AHNAK: variants seen among roughly 807,000 people sequenced by gnomAD.
AHNAK encodes neuroblast differentiation-associated protein AHNAK.
AHNAK carries 23 observed loss-of-function variants against 37.8 expected under a neutral mutation model. That is an observed-to-expected ratio of 0.61 (90% CI 0.44 to 0.86). The LOEUF (loss-of-function observed/expected upper bound fraction) is 0.86. Ranked by LOEUF, AHNAK falls within the 40% of genes least tolerant of loss-of-function variation. The pLI is 0.00. For missense variants in AHNAK, 7,411 were observed against 7,319.4 expected, an observed-to-expected ratio of 1.01 and a Z score of -0.46; for synonymous variants, 2,481 against 2,636.3, an observed-to-expected ratio of 0.94 and a Z score of 1.80.
At chr11:62,511,400 G>A (rs1328070036), downstream of AHNAK, among the ~76,000 whole-genome samples, 5 of 152,056 alleles carry the variant, frequency 3.3e-5, no homozygotes, top group African/African-American at 1.2e-4. Context: ...TTACAGGCAT[G>A]TGCCACCACG....
At chr11:62,489,683 G>A (rs939022335) in intron 5 of AHNAK, among the ~76,000 whole-genome samples, 4 of 152,070 alleles carry the variant, frequency 2.6e-5, no homozygotes, top group Non-Finnish European at 4.4e-5. Context: ...GGGAGTGGAG[G>A]GGAGCCCAGA....
At chr11:62,467,960 G>A (rs775863073) in intron 5 of AHNAK, among the ~76,000 whole-genome samples, 72 of 152,242 alleles carry the variant, frequency 4.7e-4, no homozygotes, top group Admixed American at 9.8e-4. Context: ...ACACAGTGCC[G>A]GGGTCAAGGG....
intron 4 of AHNAK, among the ~76,000 whole-genome samples, chr11:62,508,764 C>T (rs1053849603): frequency 1.3e-5 from 2 of 152,216 alleles, no homozygotes; most frequent in Admixed American, 6.5e-5. Context: ...ATTCCCGGCC[C>T]GTGGCAGGCA....
rs151286188 is a variant in AHNAK, at chr11:62,520,430, G to C, written c.13987C>G (p.Pro4663Ala). ...TCTGGGCCCTCTCCTTTGAAGCCAG[G>C]CATGCTGAACTTGGGCATTTTCACT... ...PKVKMPKFSM[P>A]GFKGEGPDVD... Residue 4663 changes from proline to alanine, a missense_variant, in exon 5 of 5, where the codon CCT (proline) becomes GCT (alanine). Coordinates refer to ENST00000378024, the MANE Select transcript of AHNAK (RefSeq NM_001620.3). The C allele has an allele frequency of 3.7e-6, 6 of 1,613,804 alleles. No individual in the cohort carries two copies. Among genetic ancestry groups the C allele is most frequent in the East Asian group, 4.5e-5 (2 of 44,878 alleles).
At chr11:62,492,204 T>C (rs1479525269) in intron 4 of AHNAK, among the ~76,000 whole-genome samples, 1 of 152,044 alleles carries the variant, frequency 6.6e-6, no homozygotes, top group Non-Finnish European at 1.5e-5. Context: ...TGAGGAACAA[T>C]GTGTAAGAAA....
At chr11:62,505,954 A>G (rs1220678427) in intron 4 of AHNAK, among the ~76,000 whole-genome samples, 4 of 144,928 alleles carry the variant, frequency 2.8e-5, no homozygotes, top group Non-Finnish European at 6.0e-5. Context: ...TCCGCAGGCC[A>G]AGGCAGGAGG....
Position 62,531,544 on chromosome 11 carries a change from G to T in AHNAK, c.2873C>A (p.Pro958His). 1.2e-6 allele frequency: 2 copies of T among 1,614,068 alleles called. No individual in the cohort carries two copies. The highest frequency in any genetic ancestry group is 1.7e-6 in the Non-Finnish European group (2 of 1,180,024). Residue 958 changes from proline (P) to histidine (H), a missense_variant, in exon 5 of 5, where the codon CCT becomes CAT. Coordinates refer to ENST00000378024, the MANE Select transcript of AHNAK (RefSeq NM_001620.3). ...CATATCATATTCTCCCTTTACTTTA[G>T]GACCTTTCATATGCAAGTCCACATC... ...MPDVDLHMKG[P>H]KVKGEYDMTV...
rs1940858145 is a variant in AHNAK at position 62,533,867 on chromosome 11, T to C, written c.550A>G (p.Ile184Val). Residue 184 changes from isoleucine (I) to valine (V), a missense_variant, in exon 5 of 5, where the codon ATT becomes GTT. Transcript: ENST00000378024. ...ATTTCAGTCAGTTCATGTCTTGGAA[T>C]CTTGATCTTGAATTCAGGGCTACTG... ...DISSPEFKIK[I>V]PRHELTEISN... is the part of the protein sequence containing the mutation. 6.2e-7 allele frequency: 1 copy of C among 1,614,034 alleles called. No individual in the cohort carries two copies. Among genetic ancestry groups the C allele is most frequent in the African/African-American group, 1.3e-5 (1 of 74,922 alleles).
Position 62,485,734 on chromosome 11 carries a change from G to T in AHNAK, c.442+5998C>A, listed in dbSNP as rs180811866. 5.2e-3 allele frequency among the ~76,000 whole-genome samples: 752 copies of T among 144,244 alleles called. 5 individuals are homozygous for T. Among genetic ancestry groups the T allele is most frequent in the African/African-American group, 0.018 (713 of 38,956 alleles). The allele number at this position is 144,244 out of a possible 152,430, so 94.6% of individuals were successfully genotyped here. ...AAAAAAAAAAAAAAGAATAACAGAA[G>T]GCCGGGAGTGGTGGCTCATGCCTGT... On this transcript the variant is annotated intron_variant, in intron 5 of 5. Transcript: ENST00000257247.
downstream of AHNAK, among the ~76,000 whole-genome samples, chr11:62,511,676 C>T (rs1369759988): frequency 1.3e-5 from 2 of 152,198 alleles, no homozygotes; most frequent in African/African-American, 4.8e-5. Context: ...ACTTTATGAT[C>T]ATACCTTAAA....
In AHNAK at chr11:62,525,984, G is replaced by C; in HGVS notation, c.8433C>G (p.Ile2811Met). The C allele has an allele frequency of 6.2e-7, 1 of 1,613,214 alleles. No homozygotes were observed. Among genetic ancestry groups the C allele is most frequent in the Non-Finnish European group, 8.5e-7 (1 of 1,179,816 alleles). ...KVDVECPDVN[I>M]EGPEGKWKSP... ...TTTTCCACTTTCCTTCAGGTCCTTC[G>C]ATATTCACATCGGGACATTCAACAT... is the stretch of plus-strand genomic sequence containing the variant. The change falls in exon 5 of 5, where the codon ATC becomes ATG. Residue 2811 changes from isoleucine to methionine, a missense_variant. By Grantham distance (10) the Ile-to-Met change is conservative. Coordinates refer to ENST00000378024, the MANE Select transcript of AHNAK (RefSeq NM_001620.3).
At chr11:62,536,346 T>C (rs774786916) in intron 2 of AHNAK, 123 bp downstream of exon 2, 70 of 425,092 alleles carry the variant, frequency 1.6e-4, no homozygotes, top group Non-Finnish European at 2.7e-4. Flanking sequence ...CAGAGGCAAC[T>C]GGACCCGGAG....
In AHNAK at chr11:62,533,906, T is replaced by G. The variant is rs1438974620; in HGVS notation, c.511A>C (p.Lys171Gln). ...TVDVTGREGA[K>Q]DIDISSPEFK... is the part of the protein sequence containing the mutation. ...TCAGGGCTACTGATGTCTATGTCCT[T>G]GGCTCCTTCCCGGCCAGTCACATCC... The change falls in exon 5 of 5, where the codon AAG becomes CAG. Residue 171 changes from lysine (K) to glutamine (Q), a missense_variant. Physicochemically the swap from Lys to Gln is moderately conservative, Grantham distance 53. Coordinates refer to ENST00000378024, the MANE Select transcript of AHNAK (RefSeq NM_001620.3). 2 of 1,614,216 alleles carry G rather than the reference T, an allele frequency of 1.2e-6. No homozygotes were observed. Among genetic ancestry groups the G allele is most frequent in the Admixed American group, 3.3e-5 (2 of 60,026 alleles).
chr11:62,526,686 G>C lies in AHNAK; in HGVS notation c.7731C>G (p.Pro2577=). ...LKMPEMNIKA[P]KISMPDFDLH... ...AATCAAAGTCAGGCATGGAGATCTTGGGGGCTTTGATGTTCATCTCTGGCA... is the reference window on the plus strand; with the variant it reads ...AATCAAAGTCAGGCATGGAGATCTTCGGGGCTTTGATGTTCATCTCTGGCA... The change falls in exon 5 of 5, where the codon CCC becomes CCG. Residue 2577 remains proline (P), a synonymous_variant. Coordinates refer to ENST00000378024, the MANE Select transcript of AHNAK (RefSeq NM_001620.3). The C allele has an allele frequency of 6.2e-7, 1 of 1,612,242 alleles. No individual in the cohort carries two copies. The highest frequency in any genetic ancestry group is 8.5e-7 in the Non-Finnish European group (1 of 1,179,562).
At position 62,525,098 on chromosome 11, in the gene AHNAK, C is replaced by G. The variant is rs142371310; in HGVS notation, c.9319G>C (p.Gly3107Arg). Residue 3107 changes from glycine to arginine, a missense_variant, in exon 5 of 5, where the codon GGT (glycine) becomes CGT (arginine). Transcript: ENST00000378024. ...TTTGGCAGAGACACATCCATGTCACCCTTCACTTTGGGACCTTTCAGGTTA... is the reference window on the plus strand; with the variant it reads ...TTTGGCAGAGACACATCCATGTCACGCTTCACTTTGGGACCTTTCAGGTTA... ...DLNLKGPKVKGDMDVSLPKVE... is the reference protein window; with the variant it reads ...DLNLKGPKVKRDMDVSLPKVE... The G allele has an allele frequency of 6.1e-5, 99 of 1,614,072 alleles. No individual in the cohort carries two copies. The African/African-American group carries it at 1.2e-3, about 20-fold the overall frequency.
intron 5 of AHNAK, among the ~76,000 whole-genome samples, chr11:62,484,655 G>A (rs373952052): frequency 6.6e-6 from 1 of 152,172 alleles, no homozygotes; most frequent in African/African-American, 2.4e-5. Flanking sequence ...AGAGCAGTGA[G>A]GGCCAGGTGG....
Position 62,531,903 on chromosome 11 carries a change from G to A in AHNAK, c.2514C>T (p.Val838=), listed in dbSNP as rs1342493996. ...KGPNVKGEYD[V]TMPKVESEIK... is the part of the protein sequence containing the mutation. ...TCTCACTTTCAACCTTTGGCATTGTGACATCATATTCTCCCTTTACGTTAG... is the reference window on the plus strand; with the variant it reads ...TCTCACTTTCAACCTTTGGCATTGTAACATCATATTCTCCCTTTACGTTAG... The change falls in exon 5 of 5, where the codon GTC becomes GTT. Residue 838 remains valine, a synonymous_variant. Transcript: ENST00000378024. The A allele has an allele frequency of 6.2e-7, 1 of 1,608,596 alleles. No individual in the cohort carries two copies. Among genetic ancestry groups the A allele is most frequent in the Admixed American group, 1.7e-5 (1 of 59,380 alleles).
intron 5 of AHNAK, among the ~76,000 whole-genome samples, chr11:62,479,256 C>T (rs1157865710): frequency 1.3e-5 from 2 of 150,162 alleles, no homozygotes; most frequent in Non-Finnish European, 2.9e-5. Flanking sequence ...CAACCTCTGC[C>T]TCCCAGGTTC....
chr11:62,514,144 A>G (rs1466277826), downstream of AHNAK, among the ~76,000 whole-genome samples: 1 of 152,190 alleles, frequency 6.6e-6, no homozygotes. Flanking sequence ...TTCTCCTCAG[A>G]GGACTTTCCA....
Sources: allele counts gnomAD v4.1 joint callset (sites outside exome capture counted in the v4.1 genomes callset), GRCh38; gene constraint gnomAD v4.1.1; transcripts MANE v1.5; gene names NCBI Gene and HGNC (gene_info 2026-07-23, HGNC 2026-07-21).